TNRC18: variants seen among roughly 807,000 people sequenced by gnomAD.
The protein encoded by TNRC18 is trinucleotide repeat containing 18.
A neutral mutation model predicts 226.7 loss-of-function variants in TNRC18; 69 were observed. That is an observed-to-expected ratio of 0.30 (90% CI 0.25 to 0.37). The LOEUF is 0.37. Among genes scored for constraint, TNRC18 ranks in the 10% least tolerant of loss-of-function variants. The probability of loss-of-function intolerance (pLI) is 1.00; values close to 1 mark genes in which losing one functional copy is unlikely to be tolerated. For missense variants in TNRC18, 4,754 were observed against 4,256.6 expected, an observed-to-expected ratio of 1.12 and a Z score of -3.25; for synonymous variants, 2,449 against 1,927.6, an observed-to-expected ratio of 1.27 and a Z score of -7.09.
intron 18 of TNRC18, 45 bp downstream of exon 18, chr7:5,345,517 G>GGGGGGGGGGGGCCCCC: frequency 1.1e-5 from 4 of 377,744 alleles, no homozygotes; most frequent in Non-Finnish European, 1.9e-5. Flanking sequence ...AATGGCGTCC[G>GGGGGGGGGGGGCCCCC]CCCCTCCCAC....
rs759862171 is a variant in TNRC18, at chr7:5,371,063, C to T, written c.3531G>A (p.Ser1177=). ...CTTCCGCGGCGGGCAGTGGCAGCGG[C>T]GACTCCAGAGGCGGCAGCTCTGTGG... ...EGPTELPPLE[S]PLPLPAAEAM... The change falls in exon 11 of 30, where the codon TCG becomes TCA. Residue 1177 remains serine (S), a synonymous_variant. Transcript: ENST00000430969. 2.0e-5 allele frequency: 32 copies of T among 1,611,026 alleles called. No homozygotes were observed. Among genetic ancestry groups the T allele is most frequent in the Non-Finnish European group, 2.3e-5 (27 of 1,179,664 alleles).
intron 18 of TNRC18, among the ~76,000 whole-genome samples, chr7:5,335,183 G>A (rs1341166730): frequency 1.3e-5 from 2 of 150,840 alleles, no homozygotes; most frequent in Non-Finnish European, 3.0e-5. Context: ...GGTGCCTATA[G>A]TCCCAGCTAC....
rs1173961207 is a variant in TNRC18, at chr7:5,306,855, A to AAAC, written c.*1248_*1250dup. 6.8e-6 allele frequency: 1 copy of AAAC among 147,266 alleles called. No homozygotes were observed. Among genetic ancestry groups the AAAC allele is most frequent in the Admixed American group, 6.9e-5 (1 of 14,526 alleles). 9.1% of individuals were successfully genotyped at this position (147,266 alleles called of 1,614,324 possible). ...AAAAGATCACACAGAATTTGCCAAC[A>AAAC]AACAAAATTCCAAAAGAAACATAAA... is the stretch of plus-strand genomic sequence containing the variant. On this transcript the variant is annotated 3_prime_UTR_variant, in exon 30 of 30. Coordinates refer to ENST00000430969, the MANE Select transcript of TNRC18 (RefSeq NM_001080495.3).
Position 5,377,238 on chromosome 7 carries a change from C to A in TNRC18, c.2461+133G>T. Reference sequence around the variant, plus strand: ...CAGAGGCCATTATCATTCCTTCTTCCGACGAATGCGGGAGGCAGGCCCAGG... The same window carrying A: ...CAGAGGCCATTATCATTCCTTCTTCAGACGAATGCGGGAGGCAGGCCCAGG... On this transcript the variant is annotated intron_variant, in intron 7 of 29. Coordinates refer to ENST00000430969, the MANE Select transcript of TNRC18 (RefSeq NM_001080495.3). The surrounding 1 kb of genome is among the most constrained non-coding windows in gnomAD (Gnocchi z 5.8). The A allele has an allele frequency of 6.1e-6, 7 of 1,142,414 alleles. No homozygotes were observed. In the South Asian group the frequency reaches 6.6e-5, roughly 11 times the overall value. The allele number at this position is 1,142,414 out of a possible 1,614,324, so 70.8% of individuals were successfully genotyped here.
At chr7:5,338,694 G>A (rs1194347028) in intron 18 of TNRC18, among the ~76,000 whole-genome samples, 1 of 151,260 alleles carries the variant, frequency 6.6e-6, no homozygotes, top group Non-Finnish European at 1.5e-5. Context: ...GCCAAGGCAG[G>A]CAGATCACGT....
intron 3 of TNRC18, among the ~76,000 whole-genome samples, chr7:5,391,787 A>G (rs899717436): frequency 6.7e-6 from 1 of 149,006 alleles, no homozygotes; most frequent in Non-Finnish European, 1.5e-5. Context: ...GCTTGAGCCC[A>G]GGAGTTTGAG....
intron 19 of TNRC18, among the ~76,000 whole-genome samples, chr7:5,329,159 C>T (rs1789247755): frequency 6.6e-6 from 1 of 151,652 alleles, no homozygotes; most frequent in South Asian, 2.1e-4. Flanking sequence ...AAAAGTGAGC[C>T]GAGCATGGTG....
chr7:5,391,243 C>A (rs887321271), intron 3 of TNRC18, among the ~76,000 whole-genome samples: 1 of 152,078 alleles, frequency 6.6e-6, no homozygotes, highest in Non-Finnish European at 1.5e-5. Context: ...ATCCTCCCCG[C>A]CTCCCCAAAG....
chr7:5,420,407 A>G (rs1403299393), intron 2 of TNRC18: 1 of 456,082 alleles, frequency 2.2e-6, no homozygotes, highest in Admixed American at 2.3e-5. Flanking sequence ...CTGGAAAACA[A>G]GGGGTCCCCG....
In TNRC18 at chr7:5,378,130, G is replaced by A. The variant is rs550605283; in HGVS notation, c.2153-106C>T. 67 of 823,356 alleles carry A rather than the reference G, an allele frequency of 8.1e-5. 2 individuals are homozygous for A. Among genetic ancestry groups the A allele is most frequent in the South Asian group, 7.9e-4 (50 of 63,146 alleles). 51.0% of individuals were successfully genotyped at this position (823,356 alleles called of 1,614,324 possible). On this transcript the variant is annotated intron_variant, in intron 5 of 29. Transcript: ENST00000430969. Reference sequence around the variant, plus strand: ...TCCCTGGGCCCCCCAGAGCCCCGACGGTCCTGCACAGCCATCCGTGTAGTG... The same window carrying A: ...TCCCTGGGCCCCCCAGAGCCCCGACAGTCCTGCACAGCCATCCGTGTAGTG...
chr7:5,324,514 G>T lies in TNRC18; in HGVS notation c.6301-159C>A, dbSNP rs552533259. ...AGTTAGGGGCACCCCAGAGGCCAGG[G>T]GGAAGGTGAAATGGGCCCAAAACCC... On this transcript the variant is annotated intron_variant, in intron 20 of 29. Coordinates refer to ENST00000430969, the MANE Select transcript of TNRC18 (RefSeq NM_001080495.3). This position sits in a 1 kb window ranked among gnomAD's most constrained non-coding sequence, Gnocchi z 4.8. Among the ~76,000 whole-genome samples, 1 of 152,188 alleles carries T rather than the reference G, an allele frequency of 6.6e-6. No individual in the cohort carries two copies. The highest frequency in any genetic ancestry group is 1.5e-5 in the Non-Finnish European group (1 of 68,028).
At chr7:5,375,996 C>T (rs1405506776) in intron 9 of TNRC18, 38 bp downstream of exon 9, 15 of 1,549,204 alleles carry the variant, frequency 9.7e-6, no homozygotes, top group East Asian at 4.8e-5. Context: ...CCCATGGGGG[C>T]CCCCAGAGGG....
chr7:5,422,132 A>G (rs1431059265), intron 1 of TNRC18, among the ~76,000 whole-genome samples: 1 of 151,972 alleles, frequency 6.6e-6, no homozygotes. Flanking sequence ...TGTGAGTCCC[A>G]GAGCTCGAGT....
At chr7:5,365,682 G>C (rs746629285) in intron 11 of TNRC18, among the ~76,000 whole-genome samples, 8 of 152,052 alleles carry the variant, frequency 5.3e-5, no homozygotes, top group Non-Finnish European at 1.2e-4. Context: ...TTAAACTCCT[G>C]GGCACAAGCA....
rs1003217936 is a variant in TNRC18 at position 5,388,258 on chromosome 7, C to G, written c.1566G>C (p.Gln522His). 6.3e-7 allele frequency: 1 copy of G among 1,599,904 alleles called. No homozygotes were observed. Among genetic ancestry groups the G allele is most frequent in the African/African-American group, 1.3e-5 (1 of 74,322 alleles). ...GGTGCTGCGCGGCCAGCACGGCCAT[C>G]TGCGTGGCGGCGAAGTTGCCCAGCT... The part of the protein sequence containing the change: ...PFELGNFAAT[Q>H]MAVLAAQHHH... The change falls in exon 5 of 30, where the codon CAG (glutamine) becomes CAC (histidine). Residue 522 changes from glutamine (Q) to histidine (H), a missense_variant. By Grantham distance (24) the Gln-to-His change is conservative. Transcript: ENST00000430969.
chr7:5,392,260 G>A (rs986693383), intron 3 of TNRC18, among the ~76,000 whole-genome samples: 17 of 151,830 alleles, frequency 1.1e-4, no homozygotes, highest in South Asian at 4.2e-4. Flanking sequence ...TCAGGAGTTC[G>A]AGACCAGCCT....
At position 5,385,225 on chromosome 7, in the gene TNRC18, G is replaced by A. The variant is rs142993123; in HGVS notation, c.2152+2447C>T. Among the ~76,000 whole-genome samples the A allele has an allele frequency of 5.8e-4, 89 of 152,306 alleles. 1 individual carries two copies. Among genetic ancestry groups the A allele is most frequent in the African/African-American group, 2.0e-3 (84 of 41,576 alleles). ...CAGCTGGCTGGGCGCGGTGGCTCACGCCTGTAATCCCAGGACTTCAGGAGG... is the reference window on the plus strand; with the variant it reads ...CAGCTGGCTGGGCGCGGTGGCTCACACCTGTAATCCCAGGACTTCAGGAGG... On this transcript the variant is annotated intron_variant, in intron 5 of 29. Coordinates refer to ENST00000430969, the MANE Select transcript of TNRC18 (RefSeq NM_001080495.3).
In TNRC18 at chr7:5,352,089, C is replaced by A; in HGVS notation, c.5200G>T (p.Asp1734Tyr). ...SEVSSYSYNTDSEEDEEFLKD... is the reference protein window; with the variant it reads ...SEVSSYSYNTYSEEDEEFLKD... Reference sequence around the variant, plus strand: ...AGGAATTCTTCGTCTTCCTCTGAGTCCGTATCTGCAGTCAAAGTAGTTTTT... The same window carrying A: ...AGGAATTCTTCGTCTTCCTCTGAGTACGTATCTGCAGTCAAAGTAGTTTTT... The change falls in exon 17 of 30, where the codon GAC (aspartate) becomes TAC (tyrosine). Residue 1734 changes from aspartate to tyrosine, a missense_variant. Coordinates refer to ENST00000430969, the MANE Select transcript of TNRC18 (RefSeq NM_001080495.3). The A allele has an allele frequency of 6.2e-7, 1 of 1,601,042 alleles. No individual in the cohort carries two copies. Among genetic ancestry groups the A allele is most frequent in the African/African-American group, 1.3e-5 (1 of 74,504 alleles).
chr7:5,311,859 G>A (rs866153491), intron 27 of TNRC18, among the ~76,000 whole-genome samples: 2 of 151,790 alleles, frequency 1.3e-5, no homozygotes, highest in Non-Finnish European at 2.9e-5. Context: ...AAAGCCAGGC[G>A]TGGTGGCTCA....
Sources: gnomAD v4.1 joint callset for allele counts (sites outside exome capture counted in the v4.1 genomes callset) on GRCh38, gnomAD v4.1.1 for gene constraint, Gnocchi (gnomAD v3.1) non-coding constraint, MANE v1.5 for transcripts, NCBI Gene and HGNC (gene_info 2026-07-23, HGNC 2026-07-21) for gene names.